The following SLC25A12 variants were observed in gnomAD, a reference collection of about 807,000 sequenced individuals.
The protein encoded by SLC25A12 is solute carrier family 25 member 12, also known as electrogenic aspartate/glutamate antiporter SLC25A12, mitochondrial.
A neutral mutation model predicts 83.3 loss-of-function variants in SLC25A12; 32 were observed. The ratio of observed to expected loss-of-function variants is 0.38; its 90% CI spans 0.29 to 0.52. The LOEUF (loss-of-function observed/expected upper bound fraction) is 0.52. Ranked by LOEUF, SLC25A12 falls within the 20% of genes least tolerant of loss-of-function variation. The pLI, the probability that SLC25A12 is intolerant of heterozygous loss-of-function variation, is 0.84. For synonymous variants in SLC25A12, 267 were observed against 291.1 expected, an observed-to-expected ratio of 0.92 and a Z score of 0.84; for missense variants, 611 against 835.6, an observed-to-expected ratio of 0.73 and a Z score of 3.31.
In SLC25A12 at chr2:171,825,547, A is replaced by G. The variant is rs1441302130; in HGVS notation, c.930+1251T>C. Among the ~76,000 whole-genome samples the G allele has an allele frequency of 3.3e-5, 5 of 152,220 alleles. No homozygotes were observed. In the East Asian group the frequency reaches 9.6e-4, roughly 29 times the overall value. On this transcript the variant is annotated intron_variant, in intron 9 of 17. Transcript: ENST00000422440. Reference sequence around the variant, plus strand: ...GAAAGAGCAGACATAGCCTCTTTCTATAGCATGCACATTTAGTAACTGTCT... The same window carrying G: ...GAAAGAGCAGACATAGCCTCTTTCTGTAGCATGCACATTTAGTAACTGTCT...
intron 3 of SLC25A12, among the ~76,000 whole-genome samples, chr2:171,864,084 T>C (rs976208965): frequency 6.6e-6 from 1 of 152,242 alleles, no homozygotes; most frequent in Non-Finnish European, 1.5e-5. Context: ...TTACAATAGC[T>C]ACCTAAATTG....
chr2:171,882,552 T>C (rs1344285009), intron 2 of SLC25A12, among the ~76,000 whole-genome samples: 2 of 152,232 alleles, frequency 1.3e-5, no homozygotes, highest in Non-Finnish European at 2.9e-5. Context: ...AGGTGCATGA[T>C]CCCTGGTGAC....
At chr2:171,841,757 C>CA (rs1684677551) in intron 5 of SLC25A12, among the ~76,000 whole-genome samples, 1 of 151,998 alleles carries the variant, frequency 6.6e-6, no homozygotes, top group East Asian at 1.9e-4. Context: ...AGTATTCTAC[C>CA]AAAAATAGGT....
At chr2:171,789,588 C>G (rs527241757) in intron 15 of SLC25A12, among the ~76,000 whole-genome samples, 9 of 152,270 alleles carry the variant, frequency 5.9e-5, no homozygotes, top group African/African-American at 2.2e-4. Flanking sequence ...AACCAGGTGT[C>G]CTTGGCTGCA....
At chr2:171,884,712 T>C (rs914273194) in intron 2 of SLC25A12, among the ~76,000 whole-genome samples, 1 of 151,478 alleles carries the variant, frequency 6.6e-6, no homozygotes, top group Non-Finnish European at 1.5e-5. Context: ...GATGCAGTGG[T>C]TGCAGTGAGC....
intron 15 of SLC25A12, among the ~76,000 whole-genome samples, chr2:171,789,715 G>A (rs2105835385): frequency 6.6e-6 from 1 of 152,282 alleles, no homozygotes; most frequent in Admixed American, 6.5e-5. Context: ...CCAACATGGT[G>A]AAACCCTGTC....
intron 15 of SLC25A12, among the ~76,000 whole-genome samples, chr2:171,789,680 G>T (rs1683383181): frequency 6.6e-6 from 1 of 152,206 alleles, no homozygotes; most frequent in African/African-American, 2.4e-5. Flanking sequence ...ACAGAGCTCA[G>T]TGTGGCTCTG....
intron 4 of SLC25A12, among the ~76,000 whole-genome samples, chr2:171,846,948 T>C (rs1453813058): frequency 6.6e-6 from 1 of 152,258 alleles, no homozygotes; most frequent in Non-Finnish European, 1.5e-5. Context: ...AATAAGATCT[T>C]AGAATGTCTC....
At chr2:171,845,726 C>T (rs183693155) in intron 4 of SLC25A12, 145 of 411,370 alleles carry the variant, frequency 3.5e-4, no homozygotes, top group East Asian at 1.6e-4. Flanking sequence ...GGACGTTCTA[C>T]CAGTCTAGAG....
chr2:171,798,936 T>C (rs1396449066), intron 13 of SLC25A12, among the ~76,000 whole-genome samples: 2 of 152,170 alleles, frequency 1.3e-5, no homozygotes, highest in African/African-American at 2.4e-5. Context: ...TGGGAGGTGA[T>C]TAAGTCATGA....
At chr2:171,813,583 G>T in intron 10 of SLC25A12, 86 bp from the exon 11 acceptor site, 2 of 1,411,272 alleles carry the variant, frequency 1.4e-6, no homozygotes, top group Non-Finnish European at 2.0e-6. Flanking sequence ...CTTAAAGGAT[G>T]AGAAAATAAA....
At chr2:171,862,749 A>G (rs1255250275) in intron 3 of SLC25A12, among the ~76,000 whole-genome samples, 2 of 152,186 alleles carry the variant, frequency 1.3e-5, no homozygotes, top group Non-Finnish European at 2.9e-5. Context: ...TTCACATAAC[A>G]TATCTATAGG....
At chr2:171,879,130 T>A (rs145166863) in intron 2 of SLC25A12, among the ~76,000 whole-genome samples, 1 of 152,356 alleles carries the variant, frequency 6.6e-6, no homozygotes, top group Non-Finnish European at 1.5e-5. Context: ...TTAAGCCATA[T>A]TAATTTTTAA....
At chr2:171,801,031 C>T (rs1327969389) in intron 13 of SLC25A12, among the ~76,000 whole-genome samples, 1 of 152,150 alleles carries the variant, frequency 6.6e-6, no homozygotes, top group Non-Finnish European at 1.5e-5. Context: ...TGGGTGTATA[C>T]AACTGTCAAA....
At position 171,784,485 on chromosome 2, in the gene SLC25A12, A is replaced by T. The variant is rs1180520605; in HGVS notation, c.*789T>A. On this transcript the variant is annotated 3_prime_UTR_variant, in exon 18 of 18. Coordinates refer to ENST00000422440, the MANE Select transcript of SLC25A12 (RefSeq NM_003705.5). ...CCTTTGCCTTACTGTGTCAAAGGAA[A>T]GCAAAACTAAGCCAGTAATGATGGA... 6.6e-6 allele frequency: 1 copy of T among 152,304 alleles called. No individual in the cohort carries two copies. The highest frequency in any genetic ancestry group is 1.5e-5 in the Non-Finnish European group (1 of 68,070). The allele number at this position is 152,304 out of a possible 1,614,324, so 9.4% of individuals were successfully genotyped here.
intron 13 of SLC25A12, among the ~76,000 whole-genome samples, chr2:171,807,260 A>T (rs1235162807): frequency 6.6e-6 from 1 of 152,184 alleles, no homozygotes; most frequent in African/African-American, 2.4e-5. Flanking sequence ...TCATGCTGTC[A>T]ATTTCCCACT....
chr2:171,866,471 C>G (rs1398853731), intron 3 of SLC25A12, among the ~76,000 whole-genome samples: 1 of 141,956 alleles, frequency 7.0e-6, no homozygotes, highest in Non-Finnish European at 1.5e-5. Flanking sequence ...GCTGACCCCC[C>G]ACCTCCCTCC....
intron 2 of SLC25A12, among the ~76,000 whole-genome samples, chr2:171,872,269 AAAC>A (rs1685472201): frequency 6.6e-6 from 1 of 152,234 alleles, no homozygotes; most frequent in African/African-American, 2.4e-5. Context: ...AGGATAAAGA[AAAC>A]AATAAGTTTC....
chr2:171,887,687 G>C (rs992412270), intron 2 of SLC25A12, among the ~76,000 whole-genome samples: 1 of 152,158 alleles, frequency 6.6e-6, no homozygotes, highest in Non-Finnish European at 1.5e-5. Context: ...GTGTGGGTGA[G>C]AGAGGTTAAA....
Sources: gnomAD v4.1 joint callset for allele counts (sites outside exome capture counted in the v4.1 genomes callset) on GRCh38, gnomAD v4.1.1 for gene constraint, MANE v1.5 for transcripts, NCBI Gene and HGNC (gene_info 2026-07-23, HGNC 2026-07-21) for gene names.